Variants in ZFPM2 observed in about 807,000 individuals in gnomAD.
ZFPM2 encodes the protein zinc finger protein ZFPM2.
In ZFPM2, 20 loss-of-function variants were observed where a neutral mutation model predicts 98.6. The observed-to-expected ratio is 0.20, with a 90% CI of 0.14 to 0.29. The LOEUF (loss-of-function observed/expected upper bound fraction) is 0.29, where lower values mean the gene tolerates loss of function less well. ZFPM2 is among the 10% of genes least tolerant of loss of function. ZFPM2 has a pLI of 1.00. For missense variants in ZFPM2, 1,310 were observed against 1,388.6 expected, an observed-to-expected ratio of 0.94 and a Z score of 0.90; for synonymous variants, 518 against 502.7, an observed-to-expected ratio of 1.03 and a Z score of -0.41.
At chr8:105,634,388 G>A in intron 5 of ZFPM2, 31 bp downstream of exon 5, 1 of 1,557,290 alleles carries the variant, frequency 6.4e-7, no homozygotes, top group Non-Finnish European at 8.8e-7. Context: ...CTCTCTCTTT[G>A]GAAGTATTAA....
intron 1 of ZFPM2, among the ~76,000 whole-genome samples, chr8:105,349,163 G>C (rs1405899423): frequency 1.7e-5 from 2 of 117,208 alleles, no homozygotes; most frequent in East Asian, 4.4e-4. Context: ...ATTAGGTTCT[G>C]GATTTTTTTA....
At chr8:105,406,243 G>C (rs972074864) in intron 1 of ZFPM2, among the ~76,000 whole-genome samples, 1 of 151,956 alleles carries the variant, frequency 6.6e-6, no homozygotes, top group African/African-American at 2.4e-5. Flanking sequence ...TCACTCTGAT[G>C]GTAGTTTCTT....
intron 5 of ZFPM2, among the ~76,000 whole-genome samples, chr8:105,712,754 A>G (rs1811434254): frequency 1.3e-5 from 2 of 152,042 alleles, no homozygotes; most frequent in African/African-American, 4.8e-5. Flanking sequence ...TCCCATCTTC[A>G]TGTCCAAGTG....
At position 105,724,245 on chromosome 8, in the gene ZFPM2, A is replaced by G. The variant is rs182449237; in HGVS notation, c.533-64473A>G. Among the ~76,000 whole-genome samples, 182 of 152,046 alleles carry G rather than the reference A, an allele frequency of 1.2e-3. 3 individuals carry two copies. The highest frequency in any genetic ancestry group is 1.2e-4 in the Non-Finnish European group (8 of 67,902). ...TATGCCTGCTGGCATAGTTGCAGCA[A>G]GAGCTTCATGAATTTCCTTTTCTTT... On this transcript the variant is annotated intron_variant, in intron 5 of 7. Coordinates refer to ENST00000407775, the MANE Select transcript of ZFPM2 (RefSeq NM_012082.4).
chr8:105,631,748 G>T (rs572949162), intron 4 of ZFPM2, among the ~76,000 whole-genome samples: 65 of 152,196 alleles, frequency 4.3e-4, no homozygotes, highest in African/African-American at 1.5e-3. Flanking sequence ...GATTGAGTTT[G>T]CTTATTTGTG....
At chr8:105,626,320 A>G (rs17218635) in intron 4 of ZFPM2, among the ~76,000 whole-genome samples, 30,846 of 152,052 alleles carry the variant, frequency 0.2, 3,168 homozygotes, top group South Asian at 0.26. Context: ...AGCTGTTGGT[A>G]AGGGAAATTT....
chr8:105,714,302 T>C (rs889131625), intron 5 of ZFPM2, among the ~76,000 whole-genome samples: 1 of 152,106 alleles, frequency 6.6e-6, no homozygotes, highest in African/African-American at 2.4e-5. Context: ...TACTGATTTG[T>C]GTACATTGTT....
chr8:105,657,192 G>A (rs1464386661), intron 5 of ZFPM2, among the ~76,000 whole-genome samples: 2 of 152,068 alleles, frequency 1.3e-5, no homozygotes, highest in African/African-American at 4.8e-5. Flanking sequence ...AGGCTGGAGT[G>A]CAATGACACA....
chr8:105,409,399 A>C (rs1172758755), intron 1 of ZFPM2, among the ~76,000 whole-genome samples: 1 of 151,932 alleles, frequency 6.6e-6, no homozygotes, highest in African/African-American at 2.4e-5. Context: ...CTACAGGTCT[A>C]TTCTGTCCCA....
At chr8:105,439,786 G>A (rs1360928741) in intron 2 of ZFPM2, among the ~76,000 whole-genome samples, 1 of 151,980 alleles carries the variant, frequency 6.6e-6, no homozygotes, top group Non-Finnish European at 1.5e-5. Flanking sequence ...AAAACTGTAG[G>A]GTATATTCTC....
intron 5 of ZFPM2, among the ~76,000 whole-genome samples, chr8:105,710,540 A>G (rs187294252): frequency 6.6e-6 from 1 of 152,280 alleles, no homozygotes; most frequent in Admixed American, 6.6e-5. Flanking sequence ...CTTCAAATTG[A>G]GAGATATGCA....
chr8:105,544,648 T>C (rs955985716), intron 3 of ZFPM2, among the ~76,000 whole-genome samples: 6 of 152,116 alleles, frequency 3.9e-5, no homozygotes, highest in African/African-American at 1.4e-4. Context: ...AATATAAAGG[T>C]GGAAGTGTTT....
At chr8:105,615,174 GA>G (rs5893751) in intron 4 of ZFPM2, among the ~76,000 whole-genome samples, 136 of 147,200 alleles carry the variant, frequency 9.2e-4, no homozygotes, top group African/African-American at 2.3e-3. Context: ...TTAATAACAT[GA>G]AAAAAAAAAC....
intron 3 of ZFPM2, among the ~76,000 whole-genome samples, chr8:105,548,513 TGGCAGTGA>T (rs920757374): frequency 6.6e-5 from 10 of 152,256 alleles, no homozygotes; most frequent in Middle Eastern, 3.4e-3. Flanking sequence ...CCATCCAATC[TGGCAGTGA>T]TTTTTATCTC....
intron 1 of ZFPM2, among the ~76,000 whole-genome samples, chr8:105,413,369 T>C (rs1332962320): frequency 6.6e-6 from 1 of 151,562 alleles, no homozygotes; most frequent in Non-Finnish European, 1.5e-5. Flanking sequence ...TATATTTGTG[T>C]ATTTATATAT....
chr8:105,611,920 A>G (rs1008783777), intron 4 of ZFPM2, among the ~76,000 whole-genome samples: 2 of 151,804 alleles, frequency 1.3e-5, no homozygotes, highest in African/African-American at 2.4e-5. Flanking sequence ...CTGGTCTCGA[A>G]CTCCTGACCT....
intron 5 of ZFPM2, among the ~76,000 whole-genome samples, chr8:105,721,208 T>C (rs1213689842): frequency 6.6e-6 from 1 of 151,856 alleles, no homozygotes; most frequent in African/African-American, 2.4e-5. Flanking sequence ...TAGACAAATT[T>C]CACATCCAGT....
chr8:105,732,450 G>A (rs1811962230), intron 5 of ZFPM2, among the ~76,000 whole-genome samples: 1 of 151,754 alleles, frequency 6.6e-6, no homozygotes, highest in Non-Finnish European at 1.5e-5. Flanking sequence ...CCCCATCAGG[G>A]CTAACTATTG....
At chr8:105,575,838 T>A (rs1172523636) in intron 4 of ZFPM2, among the ~76,000 whole-genome samples, 1 of 152,190 alleles carries the variant, frequency 6.6e-6, no homozygotes, top group African/African-American at 2.4e-5. Context: ...AGATGAAATA[T>A]GAAGCTATCT....
Sources: gnomAD v4.1 joint callset for allele counts (sites outside exome capture counted in the v4.1 genomes callset) on GRCh38, gnomAD v4.1.1 for gene constraint, MANE v1.5 for transcripts, NCBI Gene and HGNC (gene_info 2026-07-23, HGNC 2026-07-21) for gene names.